TLL2: variants seen among roughly 807,000 people sequenced by gnomAD.
TLL2 encodes the protein tolloid-like protein 2.
A neutral mutation model predicts 123.0 loss-of-function variants in TLL2; 106 were observed. The ratio of observed to expected loss-of-function variants is 0.86; its 90% CI spans 0.74 to 1.01. The LOEUF (loss-of-function observed/expected upper bound fraction) is 1.01, where lower values mean the gene tolerates loss of function less well. TLL2 is among the 50% of genes least tolerant of loss of function. The pLI, the probability that TLL2 is intolerant of heterozygous loss-of-function variation, is 0.00. For synonymous variants in TLL2, 494 were observed against 516.8 expected (o/e 0.96, Z 0.60); for missense variants, 1,332 against 1,336.7 (o/e 1.00, Z 0.06).
rs2134111561 is a variant in TLL2 at position 96,495,495 on chromosome 10, C to A, written c.176-15036G>T. 1.3e-5 allele frequency among the ~76,000 whole-genome samples: 2 copies of A among 152,158 alleles called. 1 individual carries two copies. The highest frequency in any genetic ancestry group is 1.3e-4 in the Admixed American group (2 of 15,288). The stretch of plus-strand genomic sequence containing the variant: ...AGAAAGGACCCCTAGAAAGAAAGTT[C>A]TAGGAAATACAATATGGCCTCTATG... On this transcript the variant is annotated intron_variant, in intron 1 of 20. Coordinates refer to ENST00000357947, the MANE Select transcript of TLL2 (RefSeq NM_012465.4).
At chr10:96,508,397 T>C (rs1266999005) in intron 1 of TLL2, among the ~76,000 whole-genome samples, 1 of 151,828 alleles carries the variant, frequency 6.6e-6, no homozygotes. Flanking sequence ...CAGAGTGAGG[T>C]GAAACACCAA....
intron 3 of TLL2, among the ~76,000 whole-genome samples, chr10:96,437,748 G>C (rs888941393): frequency 1.3e-5 from 2 of 152,122 alleles, no homozygotes; most frequent in African/African-American, 4.8e-5. Flanking sequence ...TATTTTTATT[G>C]CTGAGTAGTA....
At chr10:96,476,857 TACACACACACAC>T (rs56240059) in intron 2 of TLL2, among the ~76,000 whole-genome samples, 7 of 117,262 alleles carry the variant, frequency 6.0e-5, no homozygotes, top group Non-Finnish European at 1.0e-4. Context: ...CCTTTTATGT[TACACACACACAC>T]ACACACACAC....
rs141618539 is a variant in TLL2, at chr10:96,483,058, A to G, written c.176-2599T>C. ...GCACACACAGCTGAACCAAACAGAT[A>G]AGAAGATGATTAATGTTGTAGAAAA... On this transcript the variant is annotated intron_variant, in intron 1 of 20. Coordinates refer to ENST00000357947, the MANE Select transcript of TLL2 (RefSeq NM_012465.4). Among the ~76,000 whole-genome samples, 437 of 152,348 alleles carry G rather than the reference A, an allele frequency of 2.9e-3. 3 individuals carry two copies. The highest frequency in any genetic ancestry group is 5.4e-3 in the South Asian group (26 of 4,832).
chr10:96,385,460 C>A (rs558855824), intron 15 of TLL2, among the ~76,000 whole-genome samples: 14 of 152,192 alleles, frequency 9.2e-5, no homozygotes, highest in South Asian at 4.2e-4. Context: ...TCCAGTACCC[C>A]AAAGGCCTGA....
chr10:96,394,564 C>T (rs1022055554), intron 13 of TLL2, among the ~76,000 whole-genome samples: 5 of 152,218 alleles, frequency 3.3e-5, no homozygotes, highest in African/African-American at 1.2e-4. Flanking sequence ...CCTTATTCTC[C>T]TCCCAACCCC....
At chr10:96,416,559 ATCC>A (rs1325007309) in intron 7 of TLL2, among the ~76,000 whole-genome samples, 5 of 152,220 alleles carry the variant, frequency 3.3e-5, no homozygotes, top group Non-Finnish European at 2.9e-5. Context: ...ACCTCTGGGA[ATCC>A]TCCTCCTTCC....
At position 96,373,685 on chromosome 10, in the gene TLL2, GGGTCTGGTTTCTTGCTGCC is replaced by G; in HGVS notation, c.2554_2572del (p.Gly852ProfsTer36). ...CATACTGCTGCCGGAAGCCACCGTGGGGTCTGGTTTCTTGCTGCCGCAGAAACGGCCCAGAATGGGGGCC... is the reference window on the plus strand; with the variant it reads ...CATACTGCTGCCGGAAGCCACCGTGGGCAGAAACGGCCCAGAATGGGGGCC... On this transcript the variant is annotated frameshift_variant, in exon 19 of 21. Coordinates refer to ENST00000357947, the MANE Select transcript of TLL2 (RefSeq NM_012465.4). LOFTEE classifies it high-confidence loss of function. The G allele has an allele frequency of 6.2e-7, 1 of 1,614,264 alleles. No individual in the cohort carries two copies. Among genetic ancestry groups the G allele is most frequent in the Non-Finnish European group, 8.5e-7 (1 of 1,180,052 alleles).
rs569345056 is a variant in TLL2 at position 96,365,486 on chromosome 10, A to T, written c.*2602T>A. 22 of 152,368 alleles carry T rather than the reference A, an allele frequency of 1.4e-4. No individual in the cohort carries two copies. Among genetic ancestry groups the T allele is most frequent in the African/African-American group, 5.3e-4 (22 of 41,594 alleles). The allele number at this position is 152,368 out of a possible 1,614,324, so 9.4% of individuals were successfully genotyped here. A position where few individuals can be genotyped will look rare whatever the true frequency, so the allele number is the denominator to read the frequency against. ...TCCTTCATTAGCCTGTTGTCCTAAG[A>T]CAATTCTCTGAACTAAAACTATTCT... On this transcript the variant is annotated 3_prime_UTR_variant, in exon 21 of 21. Coordinates refer to ENST00000357947, the MANE Select transcript of TLL2 (RefSeq NM_012465.4).
chr10:96,381,105 C>G (rs746380326), intron 16 of TLL2, among the ~76,000 whole-genome samples: 1 of 152,194 alleles, frequency 6.6e-6, no homozygotes, highest in Admixed American at 6.5e-5. Flanking sequence ...TGCTCTGATC[C>G]TCTTCCCTGT....
chr10:96,501,860 G>A (rs1410241540), intron 1 of TLL2, among the ~76,000 whole-genome samples: 1 of 152,166 alleles, frequency 6.6e-6, no homozygotes, highest in Non-Finnish European at 1.5e-5. Context: ...TACCGGTTGG[G>A]CACCCACCAT....
At chr10:96,507,498 T>A (rs903184684) in intron 1 of TLL2, among the ~76,000 whole-genome samples, 4 of 152,064 alleles carry the variant, frequency 2.6e-5, no homozygotes, top group Non-Finnish European at 5.9e-5. Flanking sequence ...AAAATTCAAT[T>A]TCCTCTACAG....
Position 96,366,436 on chromosome 10 carries a change from T to C in TLL2, c.*1652A>G, listed in dbSNP as rs983899068. ...ATTAAGGCTTTGACAGCTGATCTTT[T>C]ACATACATACATATATACAGACATA... On this transcript the variant is annotated 3_prime_UTR_variant, in exon 21 of 21. Transcript: ENST00000357947. 1 of 152,702 alleles carries C rather than the reference T, an allele frequency of 6.5e-6. No homozygotes were observed. The highest frequency in any genetic ancestry group is 1.5e-5 in the Non-Finnish European group (1 of 68,054). The allele number at this position is 152,702 out of a possible 1,614,324, so 9.5% of individuals were successfully genotyped here.
In TLL2 at chr10:96,395,656, A is replaced by C. The variant is rs564219810; in HGVS notation, c.1530+219T>G. ...ATCCTGAATTTTCACTTTGATTATT[A>C]TTCTCAACCTCTCTTACTGCCCTCA... On this transcript the variant is annotated intron_variant, in intron 12 of 20. Transcript: ENST00000357947. Among the ~76,000 whole-genome samples the C allele has an allele frequency of 2.4e-3, 360 of 152,338 alleles. 1 individual carries two copies. Among genetic ancestry groups the C allele is most frequent in the Non-Finnish European group, 3.5e-3 (235 of 68,026 alleles).
At chr10:96,422,805 G>A (rs1022135380) in intron 5 of TLL2, 78 bp from the exon 6 acceptor site, 2 of 1,517,126 alleles carry the variant, frequency 1.3e-6, no homozygotes, top group Non-Finnish European at 1.8e-6. Context: ...CTCCCACTCT[G>A]TATGTGTGTG....
intron 18 of TLL2, among the ~76,000 whole-genome samples, chr10:96,375,748 A>T (rs10786284): frequency 0.41 from 62,612 of 151,730 alleles, 13,422 homozygotes; most frequent in East Asian, 0.65. Flanking sequence ...CCAATAAACA[A>T]CCTGCAAGTC....
chr10:96,402,337 C>T (rs2134066038), intron 10 of TLL2, among the ~76,000 whole-genome samples: 1 of 152,152 alleles, frequency 6.6e-6, no homozygotes, highest in East Asian at 1.9e-4. Flanking sequence ...GGGCACATGC[C>T]CTTTTATATA....
chr10:96,367,628 C>T lies in TLL2; in HGVS notation c.*460G>A, dbSNP rs1414142704. ...CCTGGCAGAGAGAAAGAAAATGATT[C>T]CAGCCAAAGCTGTGGGCCACACATT... On this transcript the variant is annotated 3_prime_UTR_variant, in exon 21 of 21. Coordinates refer to ENST00000357947, the MANE Select transcript of TLL2 (RefSeq NM_012465.4). The T allele has an allele frequency of 1.3e-5, 2 of 154,888 alleles. No individual in the cohort carries two copies. The highest frequency in any genetic ancestry group is 2.4e-5 in the African/African-American group (1 of 41,472). 9.6% of individuals were successfully genotyped at this position (154,888 alleles called of 1,614,324 possible). A position where few individuals can be genotyped will look rare whatever the true frequency, so the allele number is the denominator to read the frequency against.
intron 19 of TLL2, 80 bp downstream of exon 19, chr10:96,373,516 G>A: frequency 7.3e-7 from 1 of 1,361,020 alleles, no homozygotes; most frequent in Non-Finnish European, 1.0e-6. Flanking sequence ...ATAAAAGGCA[G>A]TCCTTGTCGT....
Sources: gnomAD v4.1 joint callset for allele counts (sites outside exome capture counted in the v4.1 genomes callset) on GRCh38, gnomAD v4.1.1 for gene constraint, MANE v1.5 for transcripts, NCBI Gene and HGNC (gene_info 2026-07-23, HGNC 2026-07-21) for gene names.